Variants in SHISA9 observed in about 807,000 individuals in gnomAD.
The protein encoded by SHISA9 is shisa family member 9.
A neutral mutation model predicts 38.0 loss-of-function variants in SHISA9; 13 were observed. That is an observed-to-expected ratio of 0.34 (90% CI 0.22 to 0.54). The LOEUF (loss-of-function observed/expected upper bound fraction) is 0.54, where lower values mean the gene tolerates loss of function less well. Among genes scored for constraint, SHISA9 ranks in the 20% least tolerant of loss-of-function variants. The pLI is 0.91. For synonymous variants in SHISA9, 275 were observed against 242.0 expected (o/e 1.14, Z -1.27); for missense variants, 538 against 575.8 (o/e 0.93, Z 0.67).
chr16:13,415,758 T>A, the SHISA9 span, among the ~76,000 whole-genome samples: 1 of 151,944 alleles, frequency 6.6e-6, no homozygotes, highest in Non-Finnish European at 1.5e-5. Flanking sequence ...ATTTCACTAA[T>A]ATACAAATCT....
the SHISA9 span, among the ~76,000 whole-genome samples, chr16:13,396,045 T>A: frequency 1.3e-5 from 2 of 152,248 alleles, no homozygotes. Context: ...GTATGACTCA[T>A]ACTTTTCATC....
chr16:13,098,443 G>A (rs2073848071), intron 2 of SHISA9, among the ~76,000 whole-genome samples: 1 of 152,122 alleles, frequency 6.6e-6, no homozygotes, highest in African/African-American at 2.4e-5. Flanking sequence ...CAGCAACCCA[G>A]GGAGTCACCA....
At chr16:13,339,150 A>C in the SHISA9 span, among the ~76,000 whole-genome samples, 3 of 146,620 alleles carry the variant, frequency 2.0e-5, no homozygotes, top group African/African-American at 7.5e-5. Flanking sequence ...ACCGGAGCTC[A>C]ATCCCTTATT....
chr16:13,483,842 C>G, the SHISA9 span, among the ~76,000 whole-genome samples: 7 of 152,280 alleles, frequency 4.6e-5, no homozygotes, highest in East Asian at 1.4e-3. Flanking sequence ...TGTCCCTTCT[C>G]CCATACCTCA....
At chr16:13,091,761 G>A (rs764333593) in intron 2 of SHISA9, among the ~76,000 whole-genome samples, 23 of 152,202 alleles carry the variant, frequency 1.5e-4, no homozygotes, top group African/African-American at 3.1e-4. Context: ...CCTTTAGCTC[G>A]GAGAAGTTTG....
At chr16:13,202,051 G>C (rs1273383620) in intron 2 of SHISA9, among the ~76,000 whole-genome samples, 1 of 112,552 alleles carries the variant, frequency 8.9e-6, no homozygotes, top group African/African-American at 3.7e-5. Context: ...GTGATGGGAT[G>C]GATAGACAGG....
At chr16:13,557,923 C>G in the SHISA9 span, among the ~76,000 whole-genome samples, 1 of 152,092 alleles carries the variant, frequency 6.6e-6, no homozygotes, top group Non-Finnish European at 1.5e-5. Flanking sequence ...TTTGCCCTTT[C>G]CTCTGCATGG....
chr16:12,932,491 G>A (rs952094587), intron 2 of SHISA9, among the ~76,000 whole-genome samples: 4 of 152,136 alleles, frequency 2.6e-5, no homozygotes, highest in South Asian at 2.1e-4. Flanking sequence ...ACAGGTGAGC[G>A]CCACCATGCC....
intron 2 of SHISA9, among the ~76,000 whole-genome samples, chr16:13,016,862 C>T (rs1474949767): frequency 5.9e-5 from 9 of 152,022 alleles, no homozygotes; most frequent in Non-Finnish European, 1.3e-4. Flanking sequence ...AATATAGTCC[C>T]CAAGGAGGGC....
intron 4 of SHISA9, among the ~76,000 whole-genome samples, chr16:13,226,380 C>T (rs892733465): frequency 6.6e-6 from 1 of 152,204 alleles, no homozygotes; most frequent in African/African-American, 2.4e-5. Context: ...AAGAGACCAC[C>T]TGAGTCCTAG....
At chr16:13,305,525 C>G in the SHISA9 span, among the ~76,000 whole-genome samples, 192 of 152,322 alleles carry the variant, frequency 1.3e-3, no homozygotes, top group African/African-American at 4.0e-3. Flanking sequence ...CTCTCACTCT[C>G]CCTTGCTTGC....
At chr16:13,391,799 C>T in the SHISA9 span, among the ~76,000 whole-genome samples, 1 of 152,136 alleles carries the variant, frequency 6.6e-6, no homozygotes, top group African/African-American at 2.4e-5. Flanking sequence ...AACCTGACTG[C>T]AGGTAAAGTA....
intron 4 of SHISA9, among the ~76,000 whole-genome samples, chr16:13,224,563 G>T (rs2051260667): frequency 6.6e-6 from 1 of 152,178 alleles, no homozygotes; most frequent in Non-Finnish European, 1.5e-5. Flanking sequence ...TTGCACGCCT[G>T]CTGTATACCA....
the SHISA9 span, among the ~76,000 whole-genome samples, chr16:13,520,109 G>A: frequency 6.6e-6 from 1 of 152,208 alleles, no homozygotes; most frequent in Non-Finnish European, 1.5e-5. Context: ...TGGATGCTGG[G>A]ATAATGCTGG....
chr16:13,060,465 G>T (rs914524302), intron 2 of SHISA9, among the ~76,000 whole-genome samples: 1 of 151,922 alleles, frequency 6.6e-6, no homozygotes, highest in African/African-American at 2.4e-5. Context: ...GATCACAGAG[G>T]GTGATGGTGA....
chr16:13,015,851 TCC>T (rs746204622), intron 2 of SHISA9, among the ~76,000 whole-genome samples: 25 of 94,138 alleles, frequency 2.7e-4, no homozygotes, highest in Non-Finnish European at 3.7e-4. Flanking sequence ...TTTCTTTCTT[TCC>T]CTTTCTTTCT....
chr16:13,187,955 CT>C (rs2050844323), intron 2 of SHISA9, among the ~76,000 whole-genome samples: 1 of 152,166 alleles, frequency 6.6e-6, no homozygotes, highest in South Asian at 2.1e-4. Flanking sequence ...GAGATGTTCC[CT>C]CCTAGAGACT....
chr16:13,007,702 C>G (rs2072616257), intron 2 of SHISA9, among the ~76,000 whole-genome samples: 1 of 152,222 alleles, frequency 6.6e-6, no homozygotes, highest in South Asian at 2.1e-4. Flanking sequence ...GCTCACTGTT[C>G]CTTCAGCATG....
the SHISA9 span, among the ~76,000 whole-genome samples, chr16:13,379,059 G>A: frequency 6.6e-6 from 1 of 151,654 alleles, no homozygotes; most frequent in Non-Finnish European, 1.5e-5. Flanking sequence ...CCCAGTGGTA[G>A]ATCCAGTAAG....
Sources: allele counts gnomAD v4.1 joint callset (sites outside exome capture counted in the v4.1 genomes callset), GRCh38; gene constraint gnomAD v4.1.1; transcripts MANE v1.5; gene names NCBI Gene and HGNC (gene_info 2026-07-23, HGNC 2026-07-21).